The following CXADR variants were observed in gnomAD, a reference collection of about 807,000 sequenced individuals.
The protein encoded by CXADR is CXADR cell adhesion molecule.
A neutral mutation model predicts 40.3 loss-of-function variants in CXADR; 20 were observed. The ratio of observed to expected loss-of-function variants is 0.50; its 90% CI spans 0.35 to 0.72. CXADR has a LOEUF of 0.72. Ranked by LOEUF, CXADR falls within the 30% of genes least tolerant of loss-of-function variation. The pLI, the probability that CXADR is intolerant of heterozygous loss-of-function variation, is 0.01. For missense variants in CXADR, 332 were observed against 449.1 expected (o/e 0.74, Z 2.36); for synonymous variants, 150 against 161.3 (o/e 0.93, Z 0.53).
At chr21:17,627,017 C>T in the CXADR span, 1 of 152,142 alleles carries the variant, frequency 6.6e-6, no homozygotes, top group Non-Finnish European at 1.5e-5. Flanking sequence ...TCCACTATCC[C>T]GTGAGAGAAT....
intron 7 of CXADR, among the ~76,000 whole-genome samples, chr21:17,589,593 T>A (rs1300311253): frequency 6.7e-6 from 1 of 148,588 alleles, no homozygotes; most frequent in African/African-American, 2.5e-5. Flanking sequence ...TTTTTTTTTT[T>A]ATTCTACTCT....
chr21:17,552,006 C>A, intron 3 of CXADR, 53 bp downstream of exon 3: 2 of 1,355,894 alleles, frequency 1.5e-6, no homozygotes, highest in South Asian at 1.2e-5. Flanking sequence ...AATGATTAGT[C>A]ATAGTACTGT....
At chr21:17,540,502 A>G (rs1027922326) in intron 1 of CXADR, among the ~76,000 whole-genome samples, 8 of 152,192 alleles carry the variant, frequency 5.3e-5, no homozygotes, top group Non-Finnish European at 1.2e-4. Context: ...ATTACTCCCC[A>G]GAAGCCAAAT....
chr21:17,634,417 G>A, the CXADR span, among the ~76,000 whole-genome samples: 1 of 152,168 alleles, frequency 6.6e-6, no homozygotes, highest in African/African-American at 2.4e-5. Context: ...AGCCTAAACA[G>A]GGCTCTTTTC....
At chr21:17,536,223 T>G (rs534754005) in intron 1 of CXADR, among the ~76,000 whole-genome samples, 17 of 152,214 alleles carry the variant, frequency 1.1e-4, no homozygotes, top group Non-Finnish European at 1.9e-4. Flanking sequence ...AATAAAAGTT[T>G]TTCTTAACAT....
intron 1 of CXADR, among the ~76,000 whole-genome samples, chr21:17,523,323 G>C (rs946262004): frequency 6.6e-6 from 1 of 152,168 alleles, no homozygotes; most frequent in Non-Finnish European, 1.5e-5. Context: ...ATTCATGTTT[G>C]TAGGCTTGGG....
chr21:17,564,633 C>A (rs180899899), intron 6 of CXADR, among the ~76,000 whole-genome samples: 29 of 152,050 alleles, frequency 1.9e-4, no homozygotes, highest in Admixed American at 1.6e-3. Flanking sequence ...GCCTAAATTC[C>A]CAGCAAACTT....
chr21:17,606,284 G>A, the CXADR span, among the ~76,000 whole-genome samples: 1 of 152,054 alleles, frequency 6.6e-6, no homozygotes, highest in East Asian at 1.9e-4. Context: ...CTAAGTGATG[G>A]ATCTAGGGTT....
downstream of CXADR, chr21:17,594,431 G>T: frequency 1.3e-5 from 18 of 1,342,238 alleles, no homozygotes; most frequent in Non-Finnish European, 1.7e-5. Flanking sequence ...CCACAACACT[G>T]AGATCACATC....
intron 2 of CXADR, 68 bp downstream of exon 2, chr21:17,547,261 G>C: frequency 6.3e-7 from 1 of 1,594,380 alleles, no homozygotes; most frequent in South Asian, 1.1e-5. Context: ...CCATCACCTT[G>C]CCAGTCACAT....
intron 1 of CXADR, among the ~76,000 whole-genome samples, chr21:17,520,085 T>G (rs2060511226): frequency 6.6e-6 from 1 of 152,248 alleles, no homozygotes; most frequent in South Asian, 2.1e-4. Context: ...TATTTCCAAC[T>G]GCGTAACTAT....
chr21:17,552,900 T>C (rs1394123067), intron 3 of CXADR, among the ~76,000 whole-genome samples: 1 of 152,102 alleles, frequency 6.6e-6, no homozygotes, highest in Non-Finnish European at 1.5e-5. Flanking sequence ...TAAAGAATAC[T>C]CTTTATTTTA....
At chr21:17,563,001 T>C (rs990513302) in intron 6 of CXADR, among the ~76,000 whole-genome samples, 13 of 152,240 alleles carry the variant, frequency 8.5e-5, no homozygotes, top group African/African-American at 3.1e-4. Flanking sequence ...GCAATAAGAC[T>C]GCTTCACTTT....
At chr21:17,611,222 G>A in the CXADR span, among the ~76,000 whole-genome samples, 2 of 152,176 alleles carry the variant, frequency 1.3e-5, no homozygotes, top group African/African-American at 2.4e-5. Context: ...TACGGGTTGG[G>A]AAGAAAGTTT....
intron 1 of CXADR, among the ~76,000 whole-genome samples, chr21:17,546,068 C>T (rs111560359): frequency 0.027 from 4,090 of 152,200 alleles, 188 homozygotes; most frequent in African/African-American, 0.093. Flanking sequence ...CGTGAGCCAC[C>T]GTGCCTGGCT....
At chr21:17,534,100 A>ATATTTTTTT (rs1179683085) in intron 1 of CXADR, among the ~76,000 whole-genome samples, 4 of 60,068 alleles carry the variant, frequency 6.7e-5, no homozygotes, top group African/African-American at 3.6e-4. Context: ...ATATATATAT[A>ATATTTTTTT]TTTTTTTTTT....
In CXADR at chr21:17,581,860, A is replaced by T. The variant is rs1164984759; in HGVS notation, c.1018-11292A>T. Among the ~76,000 whole-genome samples the T allele has an allele frequency of 4.0e-5, 6 of 151,524 alleles. No homozygotes were observed. In the East Asian group the frequency reaches 1.2e-3, roughly 30 times the overall value. On this transcript the variant is annotated intron_variant, in intron 7 of 7. Transcript: ENST00000400169. ...AAGACTCTGTCTCAAAAAAAAAAAAAATTATATTTTTGAGAATTCCATTTT... is the reference window on the plus strand; with the variant it reads ...AAGACTCTGTCTCAAAAAAAAAAAATATTATATTTTTGAGAATTCCATTTT...
chr21:17,606,428 A>T, the CXADR span, among the ~76,000 whole-genome samples: 8 of 152,174 alleles, frequency 5.3e-5, no homozygotes, highest in Non-Finnish European at 1.2e-4. Flanking sequence ...CTAGTATGTA[A>T]AATACTGCTT....
chr21:17,593,830 GA>G, downstream of CXADR: 1 of 410,508 alleles, frequency 2.4e-6, no homozygotes, highest in Non-Finnish European at 4.3e-6. Flanking sequence ...CAACAGAGTT[GA>G]TGCACAATAT....
Sources: gnomAD v4.1 joint callset for allele counts (sites outside exome capture counted in the v4.1 genomes callset) on GRCh38, gnomAD v4.1.1 for gene constraint, MANE v1.5 for transcripts, NCBI Gene and HGNC (gene_info 2026-07-23, HGNC 2026-07-21) for gene names.